The following ZNF532 variants were observed in gnomAD, a reference collection of about 807,000 sequenced individuals.
ZNF532 encodes zinc finger protein 532.
In ZNF532, 22 loss-of-function variants were observed where a neutral mutation model predicts 89.3. That is an observed-to-expected ratio of 0.25 (90% CI 0.18 to 0.35). The LOEUF (loss-of-function observed/expected upper bound fraction) is 0.35, where lower values mean the gene tolerates loss of function less well. Ranked by LOEUF, ZNF532 falls within the 10% of genes least tolerant of loss-of-function variation. The probability of loss-of-function intolerance (pLI) is 1.00; values close to 1 mark genes in which losing one functional copy is unlikely to be tolerated. For missense variants in ZNF532, 1,132 were observed against 1,643.4 expected, an observed-to-expected ratio of 0.69 and a Z score of 5.38; for synonymous variants, 606 against 649.6, an observed-to-expected ratio of 0.93 and a Z score of 1.02.
intron 4 of ZNF532, among the ~76,000 whole-genome samples, chr18:58,937,725 T>C (rs1034478758): frequency 6.6e-6 from 1 of 152,198 alleles, no homozygotes; most frequent in Non-Finnish European, 1.5e-5. Flanking sequence ...TTCATGGGAG[T>C]TGTAGGCTTC....
At chr18:58,975,457 A>C (rs964591518) in intron 7 of ZNF532, among the ~76,000 whole-genome samples, 2 of 152,182 alleles carry the variant, frequency 1.3e-5, no homozygotes, top group African/African-American at 4.8e-5. Context: ...CAGAAAGGAC[A>C]AGTTATTAGA....
At chr18:58,896,733 G>A (rs1180990304) in intron 2 of ZNF532, 1 of 152,124 alleles carries the variant, frequency 6.6e-6, no homozygotes, top group Non-Finnish European at 1.5e-5. Flanking sequence ...TATTTATTAA[G>A]TAAAACAACA....
rs576712547 is a variant in ZNF532, at chr18:58,942,224, G to A, written c.2705+2603G>A. Reference sequence around the variant, plus strand: ...TTTTTAGTAGAGATGGGGTTTCACCGTGTTAGCCAGGATGGTCTCGAACTC... The same window carrying A: ...TTTTTAGTAGAGATGGGGTTTCACCATGTTAGCCAGGATGGTCTCGAACTC... On this transcript the variant is annotated intron_variant, in intron 5 of 9. Coordinates refer to ENST00000591808, the MANE Select transcript of ZNF532 (RefSeq NM_001375912.1). Among the ~76,000 whole-genome samples, 99 of 150,860 alleles carry A rather than the reference G, an allele frequency of 6.6e-4. 1 individual carries two copies. In the South Asian group the frequency reaches 7.0e-3, roughly 11 times the overall value.
intron 6 of ZNF532, 141 bp from the exon 7 acceptor site, chr18:58,953,377 G>GT: frequency 5.5e-6 from 4 of 724,772 alleles, no homozygotes; most frequent in South Asian, 4.6e-5. Context: ...TTTAGCTTAG[G>GT]TTTTTTTCTT....
rs182264638 is a variant in ZNF532, at chr18:58,865,526, T to C, written c.-71T>C. 11 of 153,270 alleles carry C rather than the reference T, an allele frequency of 7.2e-5. No individual in the cohort carries two copies. 9.5% of individuals were successfully genotyped at this position (153,270 alleles called of 1,614,324 possible). Reference sequence around the variant, plus strand: ...CCTATTTGCTGAGAATGCAGCCGTGTGACAGTAACTGAACATTGGTCTAAA... The same window carrying C: ...CCTATTTGCTGAGAATGCAGCCGTGCGACAGTAACTGAACATTGGTCTAAA... On this transcript the variant is annotated 5_prime_UTR_variant, in exon 2 of 10. Coordinates refer to ENST00000591808, the MANE Select transcript of ZNF532 (RefSeq NM_001375912.1).
At chr18:58,970,007 C>G (rs1432736878) in intron 7 of ZNF532, among the ~76,000 whole-genome samples, 1 of 151,420 alleles carries the variant, frequency 6.6e-6, no homozygotes, top group Non-Finnish European at 1.5e-5. Flanking sequence ...CCTCAGCCTC[C>G]TGAGTAGCTG....
chr18:58,882,109 G>A (rs943857171), intron 2 of ZNF532, among the ~76,000 whole-genome samples: 2 of 152,090 alleles, frequency 1.3e-5, no homozygotes, highest in Non-Finnish European at 2.9e-5. Flanking sequence ...TTAGGTGCAC[G>A]CTGCCATGTG....
chr18:58,896,257 T>G (rs1399162678), intron 2 of ZNF532, among the ~76,000 whole-genome samples: 4 of 152,154 alleles, frequency 2.6e-5, no homozygotes, highest in Non-Finnish European at 5.9e-5. Flanking sequence ...TTTGTCATCT[T>G]AACCATAAGT....
Position 58,985,168 on chromosome 18 carries a change from G to A in ZNF532, c.*702G>A, listed in dbSNP as rs1568489972. 1 of 152,184 alleles carries A rather than the reference G, an allele frequency of 6.6e-6. No homozygotes were observed. Among genetic ancestry groups the A allele is most frequent in the Non-Finnish European group, 1.5e-5 (1 of 68,034 alleles). 9.4% of individuals were successfully genotyped at this position (152,184 alleles called of 1,614,324 possible). A position where few individuals can be genotyped will look rare whatever the true frequency, so the allele number is the denominator to read the frequency against. On this transcript the variant is annotated 3_prime_UTR_variant, in exon 10 of 10. Coordinates refer to ENST00000591808, the MANE Select transcript of ZNF532 (RefSeq NM_001375912.1). The stretch of plus-strand genomic sequence containing the variant: ...ATGCTGATTTCCTCAGTTCCATTTT[G>A]AGGAATGGGGAAGGCTATTCTAAAG...
intron 2 of ZNF532, among the ~76,000 whole-genome samples, chr18:58,872,024 G>C (rs903409274): frequency 2.0e-5 from 3 of 152,188 alleles, no homozygotes; most frequent in Non-Finnish European, 2.9e-5. Flanking sequence ...TCTACGGCAG[G>C]AAGTTCTATA....
In ZNF532 at chr18:58,903,312, C is replaced by T. The variant is rs74571880; in HGVS notation, c.-17-14959C>T. 4.1e-3 allele frequency among the ~76,000 whole-genome samples: 622 copies of T among 152,264 alleles called. 4 individuals carry two copies. Among genetic ancestry groups the T allele is most frequent in the African/African-American group, 0.014 (592 of 41,532 alleles). Reference sequence around the variant, plus strand: ...AAGCTGGGCCTGCGAAAAACACACGCGGAACCGCAGCAGCTCATGGTTGGG... The same window carrying T: ...AAGCTGGGCCTGCGAAAAACACACGTGGAACCGCAGCAGCTCATGGTTGGG... On this transcript the variant is annotated intron_variant, in intron 2 of 9. Transcript: ENST00000591808.
chr18:58,939,321 A>G (rs964119334), intron 4 of ZNF532, 124 bp from the exon 5 acceptor site: 30 of 600,428 alleles, frequency 5.0e-5, no homozygotes, highest in Non-Finnish European at 7.4e-5. Context: ...AAACTAAAAT[A>G]TACTTCCGAA....
At chr18:58,938,636 C>A (rs1200197914) in intron 4 of ZNF532, among the ~76,000 whole-genome samples, 1 of 152,180 alleles carries the variant, frequency 6.6e-6, no homozygotes, top group African/African-American at 2.4e-5. Flanking sequence ...CACCATGAAC[C>A]CCACATACAT....
intron 2 of ZNF532, among the ~76,000 whole-genome samples, chr18:58,885,221 T>G (rs1015773892): frequency 3.9e-5 from 6 of 152,170 alleles, no homozygotes; most frequent in Non-Finnish European, 8.8e-5. Flanking sequence ...ACTCCCGACC[T>G]CAGGTGATCT....
intron 5 of ZNF532, among the ~76,000 whole-genome samples, chr18:58,943,229 T>G (rs1054978968): frequency 1.3e-5 from 2 of 148,666 alleles, no homozygotes; most frequent in Admixed American, 6.7e-5. Context: ...GCGCGATCTC[T>G]GCTCACTGCA....
intron 2 of ZNF532, among the ~76,000 whole-genome samples, chr18:58,889,811 G>A (rs911700745): frequency 3.3e-5 from 5 of 151,320 alleles, no homozygotes; most frequent in Non-Finnish European, 5.9e-5. Flanking sequence ...TTGGCTAGGC[G>A]CGGTGGCTCA....
Position 58,911,299 on chromosome 18 carries a change from A to G in ZNF532, c.-17-6972A>G, listed in dbSNP as rs546955573. On this transcript the variant is annotated intron_variant, in intron 2 of 9. Coordinates refer to ENST00000591808, the MANE Select transcript of ZNF532 (RefSeq NM_001375912.1). ...GGAGGATCGGCTTGGCAAAGCCAGC[A>G]TGAAGGTACAGGCAAGATTTGAAGG... Among the ~76,000 whole-genome samples the G allele has an allele frequency of 4.6e-5, 7 of 152,384 alleles. No individual in the cohort carries two copies. The South Asian group carries it at 1.4e-3, about 32-fold the overall frequency.
chr18:58,892,884 G>C (rs1404969832), intron 2 of ZNF532, among the ~76,000 whole-genome samples: 3 of 152,036 alleles, frequency 2.0e-5, no homozygotes, highest in Admixed American at 6.6e-5. Flanking sequence ...TGTTTCTGTA[G>C]TACTCTGCAA....
At chr18:58,941,721 G>A (rs1212900189) in intron 5 of ZNF532, among the ~76,000 whole-genome samples, 1 of 151,990 alleles carries the variant, frequency 6.6e-6, no homozygotes, top group African/African-American at 2.4e-5. Flanking sequence ...CTCTCAAAGT[G>A]CTGGGATTGC....
Sources: gnomAD v4.1 joint callset for allele counts (sites outside exome capture counted in the v4.1 genomes callset) on GRCh38, gnomAD v4.1.1 for gene constraint, MANE v1.5 for transcripts, NCBI Gene and HGNC (gene_info 2026-07-23, HGNC 2026-07-21) for gene names.